NRXN1: variants seen among roughly 807,000 people sequenced by gnomAD.
NRXN1 encodes the protein neurexin-1.
NRXN1 carries 39 observed loss-of-function variants against 150.9 expected under a neutral mutation model. That is an observed-to-expected ratio of 0.26 (90% CI 0.20 to 0.34). The LOEUF (loss-of-function observed/expected upper bound fraction) is 0.34. NRXN1 is among the 10% of genes least tolerant of loss of function. The probability of loss-of-function intolerance (pLI) is 1.00; values close to 1 mark genes in which losing one functional copy is unlikely to be tolerated. For synonymous variants in NRXN1, 924 were observed against 757.0 expected (o/e 1.22, Z -3.62); for missense variants, 1,815 against 1,949.9 (o/e 0.93, Z 1.30).
intron 18 of NRXN1, among the ~76,000 whole-genome samples, chr2:50,164,548 C>T (rs896777406): frequency 5.9e-5 from 9 of 152,102 alleles, no homozygotes; most frequent in Non-Finnish European, 2.9e-5. Context: ...ACTGAAGTGT[C>T]ACATTGTCAA....
intron 18 of NRXN1, among the ~76,000 whole-genome samples, chr2:50,118,682 G>A (rs796923373): frequency 1.6e-4 from 24 of 152,200 alleles, no homozygotes; most frequent in African/African-American, 5.8e-4. Context: ...GAAAACTATA[G>A]TAATGAACTA....
chr2:50,421,466 A>G (rs1232970246), intron 17 of NRXN1, among the ~76,000 whole-genome samples: 1 of 152,160 alleles, frequency 6.6e-6, no homozygotes, highest in Admixed American at 6.6e-5. Flanking sequence ...TTGTCAGGAT[A>G]TTCAAAAGAA....
At chr2:50,058,343 A>G (rs1457178136) in intron 19 of NRXN1, among the ~76,000 whole-genome samples, 5 of 152,192 alleles carry the variant, frequency 3.3e-5, no homozygotes, top group African/African-American at 9.7e-5. Context: ...GTAGCCACAC[A>G]AGGGGGTCAT....
rs1324895859 is a variant in NRXN1, at chr2:50,512,697, G to A, written c.2375-6080C>T. Among the ~76,000 whole-genome samples, 7 of 152,026 alleles carry A rather than the reference G, an allele frequency of 4.6e-5. No individual in the cohort carries two copies. The East Asian group carries it at 1.4e-3, about 29-fold the overall frequency. Reference sequence around the variant, plus strand: ...CTAACATGCATTACCTAATTGTCTGGCCAAAGTCAGAGAGGGTAAACATTC... The same window carrying A: ...CTAACATGCATTACCTAATTGTCTGACCAAAGTCAGAGAGGGTAAACATTC... On this transcript the variant is annotated intron_variant, in intron 12 of 22. Transcript: ENST00000401669.
intron 8 of NRXN1, among the ~76,000 whole-genome samples, chr2:50,555,782 C>T (rs185547151): frequency 1.8e-4 from 28 of 152,184 alleles, no homozygotes; most frequent in African/African-American, 6.5e-4. Flanking sequence ...TACTATTTTG[C>T]CCTATTTCTC....
At chr2:50,200,256 G>A (rs1157479133) in intron 18 of NRXN1, among the ~76,000 whole-genome samples, 1 of 152,072 alleles carries the variant, frequency 6.6e-6, no homozygotes, top group East Asian at 1.9e-4. Flanking sequence ...TGAGAATCTA[G>A]ATGAACTCTT....
intron 18 of NRXN1, among the ~76,000 whole-genome samples, chr2:50,197,966 G>A (rs1165616387): frequency 1.3e-5 from 2 of 152,086 alleles, no homozygotes; most frequent in African/African-American, 2.4e-5. Flanking sequence ...TGGTTGTAAA[G>A]TCAAATCTCT....
chr2:50,570,165 C>A (rs1025725506), intron 8 of NRXN1, among the ~76,000 whole-genome samples: 3 of 151,786 alleles, frequency 2.0e-5, no homozygotes, highest in Non-Finnish European at 2.9e-5. Flanking sequence ...GCAGGAATGT[C>A]TTTTAGAAAC....
chr2:50,916,431 A>G (rs1470248803), intron 5 of NRXN1, among the ~76,000 whole-genome samples: 1 of 151,518 alleles, frequency 6.6e-6, no homozygotes, highest in African/African-American at 2.4e-5. Flanking sequence ...GACCAGCACA[A>G]TTTAGGAAAT....
Position 50,325,493 on chromosome 2 carries a change from C to T in NRXN1, c.3365-88523G>A, listed in dbSNP as rs534923405. ...GCAGTTTACATATCCACTGGAATAT[C>T]GTAAGATGGTAAGCTAGTATGATTG... On this transcript the variant is annotated intron_variant, in intron 17 of 22. Transcript: ENST00000401669. Among the ~76,000 whole-genome samples the T allele has an allele frequency of 5.3e-4, 81 of 152,244 alleles. No individual in the cohort carries two copies. In the South Asian group the frequency reaches 7.9e-3, roughly 15 times the overall value.
At chr2:50,729,011 C>G (rs1004882572) in intron 5 of NRXN1, among the ~76,000 whole-genome samples, 1 of 151,820 alleles carries the variant, frequency 6.6e-6, no homozygotes, top group African/African-American at 2.4e-5. Flanking sequence ...CTTTTTTTCC[C>G]CTGCATCAAA....
At chr2:50,610,718 CTA>C (rs1393908880) in intron 8 of NRXN1, among the ~76,000 whole-genome samples, 7 of 118,232 alleles carry the variant, frequency 5.9e-5, no homozygotes, top group African/African-American at 2.2e-4. Context: ...AGCCCATATA[CTA>C]TAGTCATTAC....
intron 17 of NRXN1, among the ~76,000 whole-genome samples, chr2:50,374,459 T>C (rs1290588711): frequency 6.6e-6 from 1 of 152,052 alleles, no homozygotes; most frequent in Non-Finnish European, 1.5e-5. Flanking sequence ...CACAGAACTA[T>C]CAACCATCAT....
intron 18 of NRXN1, among the ~76,000 whole-genome samples, chr2:50,138,473 C>T (rs1013135940): frequency 6.6e-6 from 1 of 152,164 alleles, no homozygotes; most frequent in Admixed American, 6.5e-5. Context: ...ATTTGTAACA[C>T]ATTAACACTA....
intron 5 of NRXN1, among the ~76,000 whole-genome samples, chr2:50,742,515 G>A (rs2105280042): frequency 6.6e-6 from 1 of 151,404 alleles, no homozygotes; most frequent in African/African-American, 2.4e-5. Context: ...GGCTGAGGCA[G>A]GAGAATCGTT....
intron 5 of NRXN1, among the ~76,000 whole-genome samples, chr2:50,806,637 T>C (rs1283580834): frequency 6.6e-6 from 1 of 152,144 alleles, no homozygotes; most frequent in Non-Finnish European, 1.5e-5. Flanking sequence ...GCTACATAAA[T>C]ATATTTTTTA....
At chr2:49,958,727 A>G (rs1675406695) in intron 21 of NRXN1, among the ~76,000 whole-genome samples, 1 of 152,166 alleles carries the variant, frequency 6.6e-6, no homozygotes, top group South Asian at 2.1e-4. Context: ...TAGTGATCTC[A>G]AAGAGTATTG....
At chr2:50,207,740 T>C (rs2062716382) in intron 18 of NRXN1, 1 of 167,672 alleles carries the variant, frequency 6.0e-6, no homozygotes, top group Non-Finnish European at 1.5e-5. Context: ...GCTTTAGTTC[T>C]TCTAATAATT....
chr2:50,762,352 T>C (rs1034307030), intron 5 of NRXN1, among the ~76,000 whole-genome samples: 4 of 151,858 alleles, frequency 2.6e-5, no homozygotes, highest in African/African-American at 9.7e-5. Flanking sequence ...AACTTTTAAT[T>C]TTTAATTCAG....
Sources: allele counts gnomAD v4.1 joint callset (sites outside exome capture counted in the v4.1 genomes callset), GRCh38; gene constraint gnomAD v4.1.1; transcripts MANE v1.5; gene names NCBI Gene and HGNC (gene_info 2026-07-23, HGNC 2026-07-21).